The following ATP10A variants were observed in gnomAD, a reference collection of about 807,000 sequenced individuals.
ATP10A encodes the protein ATPase phospholipid transporting 10A (putative).
Under a neutral mutation model 147.8 loss-of-function variants are expected in ATP10A, and 111 were observed. That is an observed-to-expected ratio of 0.75 (90% confidence interval 0.64 to 0.88). The LOEUF is 0.88. Among genes scored for constraint, ATP10A ranks in the 40% least tolerant of loss-of-function variants. The pLI, the probability that ATP10A is intolerant of heterozygous loss-of-function variation, is 0.00. For synonymous variants in ATP10A, 875 were observed against 841.6 expected (o/e 1.04, Z -0.69); for missense variants, 1,927 against 1,959.0 (o/e 0.98, Z 0.31).
In ATP10A at chr15:25,679,923, C is replaced by T. The variant is rs535318853; in HGVS notation, c.3918G>A (p.Leu1306=). The change falls in exon 21 of 21, where the codon CTG becomes CTA. Residue 1306 remains leucine, a synonymous_variant. Transcript: ENST00000555815. ...QGRVFPTQLQ[L]ARQLTRKSPR... ...GGGACTTCCTGGTCAACTGACGTGC[C>T]AGCTGAAGTTGTGTGGGGAAAACCC... is the stretch of plus-strand genomic sequence containing the variant. 1.9e-6 allele frequency: 3 copies of T among 1,608,176 alleles called. No homozygotes were observed. In the African/African-American group the frequency reaches 4.0e-5, roughly 21 times the overall value.
Position 25,861,955 on chromosome 15 carries a change from C to G in ATP10A, c.449+693G>C, listed in dbSNP as rs1893779324. On this transcript the variant is annotated intron_variant, in intron 1 of 20. Coordinates refer to ENST00000555815, the MANE Select transcript of ATP10A (RefSeq NM_024490.4). ...GGGAGGGAAAAAGAGCAGGAGTGGT[C>G]CATCGCAGGGTCACCCCTGGTACTG... 4.3e-5 allele frequency: 12 copies of G among 275,888 alleles called. 1 individual carries two copies. Among genetic ancestry groups the G allele is most frequent in the South Asian group, 3.8e-4 (12 of 31,642 alleles). The allele number at this position is 275,888 out of a possible 1,614,324, so 17.1% of individuals were successfully genotyped here. A position where few individuals can be genotyped will look rare whatever the true frequency, so the allele number is the denominator to read the frequency against.
At chr15:25,699,365 AT>A (rs1053576974) in intron 13 of ATP10A, among the ~76,000 whole-genome samples, 8 of 152,238 alleles carry the variant, frequency 5.3e-5, no homozygotes, top group Admixed American at 5.2e-4. Context: ...CTTTCAACAA[AT>A]GGCACTGGAG....
chr15:25,774,393 G>A (rs554348437), intron 2 of ATP10A, among the ~76,000 whole-genome samples: 158 of 152,264 alleles, frequency 1.0e-3, no homozygotes, highest in Non-Finnish European at 2.0e-3. Flanking sequence ...TGACCAAGAC[G>A]GAGAAACCCC....
At chr15:25,683,735 G>A (rs898085428) in intron 16 of ATP10A, 1 of 544,620 alleles carries the variant, frequency 1.8e-6, no homozygotes, top group Admixed American at 3.3e-5. Flanking sequence ...GGAATTCCCA[G>A]GAGCAGCACT....
At chr15:25,763,827 A>G (rs1204390137) in intron 2 of ATP10A, among the ~76,000 whole-genome samples, 2 of 152,228 alleles carry the variant, frequency 1.3e-5, no homozygotes, top group Non-Finnish European at 2.9e-5. Flanking sequence ...TATCTATAGG[A>G]GAACACCGTT....
At chr15:25,689,024 A>G (rs1161772390) in intron 15 of ATP10A, among the ~76,000 whole-genome samples, 1 of 152,258 alleles carries the variant, frequency 6.6e-6, no homozygotes, top group Non-Finnish European at 1.5e-5. Context: ...AAGCTCAGTC[A>G]AAAGGGACCA....
intron 1 of ATP10A, among the ~76,000 whole-genome samples, chr15:25,860,138 A>C (rs1004785718): frequency 2.0e-5 from 3 of 152,132 alleles, no homozygotes; most frequent in African/African-American, 7.2e-5. Context: ...CCTGAGAGCC[A>C]GGGCTTCATG....
At chr15:25,699,294 A>T (rs915812519) in intron 13 of ATP10A, among the ~76,000 whole-genome samples, 2 of 152,246 alleles carry the variant, frequency 1.3e-5, no homozygotes, top group Non-Finnish European at 2.9e-5. Flanking sequence ...GTCTAGAAAC[A>T]GACCCACACA....
rs1466351273 is a variant in ATP10A, at chr15:25,721,792, G to A, written c.1228C>T (p.Arg410Ter). 9 of 1,614,120 alleles carry A rather than the reference G, an allele frequency of 5.6e-6. No individual in the cohort carries two copies. Among genetic ancestry groups the A allele is most frequent in the Admixed American group, 1.7e-5 (1 of 60,016 alleles). ...DEETDSQLQC[R>*]ALNITEDLGQ... The stretch of plus-strand genomic sequence containing the variant: ...AAGTCTTCCGTGATGTTCAGAGCTC[G>A]GCACTGCAGCTGCGAGTCTGTTTCT... The change falls in exon 7 of 21, where the codon CGA becomes TGA. Residue 410 changes from arginine to a stop codon, truncating the protein, a stop_gained. Transcript: ENST00000555815. LOFTEE classifies it high-confidence loss of function.
At chr15:25,715,140 C>A (rs1392708333) in intron 9 of ATP10A, among the ~76,000 whole-genome samples, 1 of 152,162 alleles carries the variant, frequency 6.6e-6, no homozygotes, top group Non-Finnish European at 1.5e-5. Context: ...ACCATTGCAT[C>A]CTAAGTTGTG....
chr15:25,744,344 ACATGTATGTGTGTGTG>A (rs1032633050), intron 2 of ATP10A, among the ~76,000 whole-genome samples: 5 of 152,276 alleles, frequency 3.3e-5, no homozygotes, highest in East Asian at 1.9e-4. Flanking sequence ...CTGTGTGTGC[ACATGTATGTGTGTGTG>A]CATGTATGTG....
rs1201580669 is a variant in ATP10A, at chr15:25,713,872, C to T, written c.2146G>A (p.Glu716Lys). 8.7e-6 allele frequency: 14 copies of T among 1,613,876 alleles called. No homozygotes were observed. Among genetic ancestry groups the T allele is most frequent in the Non-Finnish European group, 1.2e-5 (14 of 1,180,052 alleles). Reference sequence around the variant, plus strand: ...ACTGACACTTGGTCGTGCAGCCGCTCCACAAGCACGCAGTTGTAGGCTCTG... The same window carrying T: ...ACTGACACTTGGTCGTGCAGCCGCTTCACAAGCACGCAGTTGTAGGCTCTG... ...AARAYNCVLVERLHDQVSVEL... is the reference protein window; with the variant it reads ...AARAYNCVLVKRLHDQVSVEL... Residue 716 changes from glutamate to lysine, a missense_variant, in exon 10 of 21, where the codon GAG (glutamate) becomes AAG (lysine). Glu to Lys is a moderately conservative substitution (Grantham distance 56). Coordinates refer to ENST00000555815, the MANE Select transcript of ATP10A (RefSeq NM_024490.4).
chr15:25,795,935 C>G (rs78793467), intron 1 of ATP10A, among the ~76,000 whole-genome samples: 2 of 152,068 alleles, frequency 1.3e-5, no homozygotes, highest in Admixed American at 6.5e-5. Context: ...CCTGGCACCC[C>G]CCTCCTCACC....
intron 2 of ATP10A, among the ~76,000 whole-genome samples, chr15:25,739,214 C>A (rs369223499): frequency 6.6e-6 from 1 of 152,120 alleles, no homozygotes; most frequent in Non-Finnish European, 1.5e-5. Context: ...GGATTACAGG[C>A]GTGAGCCACT....
chr15:25,760,237 C>A (rs543838003), intron 2 of ATP10A, among the ~76,000 whole-genome samples: 1 of 152,050 alleles, frequency 6.6e-6, no homozygotes, highest in South Asian at 2.1e-4. Context: ...ATGGGCTTAT[C>A]GAATATTTTA....
At chr15:25,826,569 G>A (rs1892122995) in intron 1 of ATP10A, among the ~76,000 whole-genome samples, 1 of 151,968 alleles carries the variant, frequency 6.6e-6, no homozygotes, top group Non-Finnish European at 1.5e-5. Context: ...CTCAAAAAGT[G>A]GAATCACCTG....
chr15:25,839,960 C>T (rs1397128919), intron 1 of ATP10A, among the ~76,000 whole-genome samples: 2 of 152,080 alleles, frequency 1.3e-5, no homozygotes, highest in African/African-American at 2.4e-5. Context: ...TGCAGTTTCT[C>T]AACCACAACC....
At chr15:25,830,201 G>T (rs1216646378) in intron 1 of ATP10A, among the ~76,000 whole-genome samples, 1 of 152,126 alleles carries the variant, frequency 6.6e-6, no homozygotes, top group African/African-American at 2.4e-5. Context: ...GCAGGAGAGG[G>T]GGTGCAGCCA....
At chr15:25,745,207 T>C (rs1417673066) in intron 2 of ATP10A, among the ~76,000 whole-genome samples, 2 of 152,024 alleles carry the variant, frequency 1.3e-5, no homozygotes. Context: ...GTGTCTGTAA[T>C]CCCAGCTACT....
Sources: gnomAD v4.1 joint callset for allele counts (sites outside exome capture counted in the v4.1 genomes callset) on GRCh38, gnomAD v4.1.1 for gene constraint, MANE v1.5 for transcripts, NCBI Gene and HGNC (gene_info 2026-07-23, HGNC 2026-07-21) for gene names.